The following INPP4B variants were observed in gnomAD, a reference collection of about 807,000 sequenced individuals.
INPP4B encodes inositol polyphosphate-4-phosphatase type II B, also known as inositol polyphosphate 4-phosphatase type II.
In INPP4B, 55 loss-of-function variants were observed where a neutral mutation model predicts 122.5. The ratio of observed to expected loss-of-function variants is 0.45; its 90% CI spans 0.36 to 0.56. The LOEUF is 0.56. INPP4B is among the 20% of genes least tolerant of loss of function. The pLI is 0.00. For missense variants in INPP4B, 1,000 were observed against 1,097.7 expected (o/e 0.91, Z 1.26); for synonymous variants, 403 against 388.7 (o/e 1.04, Z -0.43).
At chr4:142,806,809 AAG>A (rs1251600891) in intron 1 of INPP4B, among the ~76,000 whole-genome samples, 4 of 148,726 alleles carry the variant, frequency 2.7e-5, no homozygotes, top group Non-Finnish European at 6.0e-5. Flanking sequence ...GAAAGAAAGA[AAG>A]AAAGAAAGAA....
In INPP4B at chr4:142,547,764, C is replaced by A. The variant is rs531567215; in HGVS notation, c.-190-85038G>T. On this transcript the variant is annotated intron_variant, in intron 2 of 25. Transcript: ENST00000262992. Reference sequence around the variant, plus strand: ...AATTTACATTGAAAAAATGACTCCTCACTTTTTATTGTATTCTATTTTCTT... The same window carrying A: ...AATTTACATTGAAAAAATGACTCCTAACTTTTTATTGTATTCTATTTTCTT... 7.2e-5 allele frequency among the ~76,000 whole-genome samples: 11 copies of A among 152,244 alleles called. No homozygotes were observed. In the East Asian group the frequency reaches 2.1e-3, roughly 29 times the overall value.
chr4:142,737,676 A>G (rs1028234020), intron 1 of INPP4B, among the ~76,000 whole-genome samples: 1 of 152,230 alleles, frequency 6.6e-6, no homozygotes, highest in African/African-American at 2.4e-5. Flanking sequence ...TGAACAGGCA[A>G]CCTACAGAAT....
intron 17 of INPP4B, among the ~76,000 whole-genome samples, chr4:142,152,143 G>T (rs1326530870): frequency 1.5e-5 from 2 of 130,534 alleles, no homozygotes; most frequent in African/African-American, 2.9e-5. Flanking sequence ...CCACAATCTC[G>T]GCTCACTGCA....
chr4:142,679,816 C>G (rs907295526), intron 2 of INPP4B, among the ~76,000 whole-genome samples: 10 of 151,630 alleles, frequency 6.6e-5, no homozygotes, highest in Non-Finnish European at 1.3e-4. Flanking sequence ...CCATCATTTA[C>G]CAAGAGAGAA....
chr4:142,101,954 T>G (rs891891573), intron 23 of INPP4B, among the ~76,000 whole-genome samples: 3 of 152,094 alleles, frequency 2.0e-5, no homozygotes, highest in Non-Finnish European at 4.4e-5. Flanking sequence ...GCTCCATTAT[T>G]TGACCTAATA....
At chr4:142,091,879 T>C (rs1779711345) in intron 23 of INPP4B, among the ~76,000 whole-genome samples, 1 of 152,168 alleles carries the variant, frequency 6.6e-6, no homozygotes, top group Non-Finnish European at 1.5e-5. Context: ...GGCCAGAAAC[T>C]GTTCCAAGAT....
At chr4:142,072,782 C>T (rs2152492161) in intron 25 of INPP4B, among the ~76,000 whole-genome samples, 1 of 151,990 alleles carries the variant, frequency 6.6e-6, no homozygotes, top group East Asian at 1.9e-4. Context: ...TCATGACAAC[C>T]CTATTAGATG....
intron 1 of INPP4B, among the ~76,000 whole-genome samples, chr4:142,730,643 G>A (rs1765949304): frequency 6.6e-6 from 1 of 152,164 alleles, no homozygotes; most frequent in Non-Finnish European, 1.5e-5. Context: ...CTTCTACCTT[G>A]TGCAGCAATT....
chr4:142,526,842 A>G (rs113561940), intron 2 of INPP4B, among the ~76,000 whole-genome samples: 9,548 of 108,538 alleles, frequency 0.088, 358 homozygotes, highest in African/African-American at 0.11. Context: ...GCAGGCCAAT[A>G]AAACCTATTT....
At chr4:142,547,176 G>A (rs1490276302) in intron 2 of INPP4B, among the ~76,000 whole-genome samples, 1 of 150,786 alleles carries the variant, frequency 6.6e-6, no homozygotes, top group Non-Finnish European at 1.5e-5. Flanking sequence ...TGGTAAATAA[G>A]GTTGCAAAAA....
intron 23 of INPP4B, among the ~76,000 whole-genome samples, chr4:142,087,535 C>T (rs1777448442): frequency 6.6e-6 from 1 of 152,260 alleles, no homozygotes; most frequent in South Asian, 2.1e-4. Flanking sequence ...ATACACTCTA[C>T]TGTTGAATCC....
intron 22 of INPP4B, among the ~76,000 whole-genome samples, chr4:142,111,009 T>C (rs865968104): frequency 3.3e-5 from 5 of 152,258 alleles, no homozygotes; most frequent in Middle Eastern, 3.4e-3. Flanking sequence ...CTCCAAGTTG[T>C]ATAGTTCATG....
chr4:142,245,586 T>C (rs540703361), intron 11 of INPP4B, among the ~76,000 whole-genome samples: 1 of 152,176 alleles, frequency 6.6e-6, no homozygotes, highest in African/African-American at 2.4e-5. Flanking sequence ...TGTATCAGGA[T>C]GATGCTGGCC....
chr4:142,803,951 T>C (rs374303404), intron 1 of INPP4B, among the ~76,000 whole-genome samples: 12 of 151,746 alleles, frequency 7.9e-5, no homozygotes, highest in African/African-American at 2.7e-4. Context: ...CCTAGCTACT[T>C]AGGAGGCTGA....
At chr4:142,441,156 T>C (rs544778903) in intron 3 of INPP4B, among the ~76,000 whole-genome samples, 2 of 152,216 alleles carry the variant, frequency 1.3e-5, no homozygotes, top group East Asian at 3.9e-4. Context: ...TTTTAGAAAA[T>C]CCACTACAGT....
chr4:142,660,487 TTTAA>T (rs1754974885), intron 2 of INPP4B, among the ~76,000 whole-genome samples: 1 of 152,052 alleles, frequency 6.6e-6, no homozygotes, highest in Non-Finnish European at 1.5e-5. Context: ...TTCACTGATA[TTTAA>T]TTGTGTCTCT....
chr4:142,828,158 G>A (rs1013122950), intron 1 of INPP4B, among the ~76,000 whole-genome samples: 1 of 151,950 alleles, frequency 6.6e-6, no homozygotes, highest in Non-Finnish European at 1.5e-5. Flanking sequence ...TCTCTCTGTG[G>A]CAAATTAAAA....
At chr4:142,695,487 T>C (rs1460960216) in intron 2 of INPP4B, among the ~76,000 whole-genome samples, 1 of 152,226 alleles carries the variant, frequency 6.6e-6, no homozygotes, top group Non-Finnish European at 1.5e-5. Context: ...TAGTTCTTAC[T>C]GTGCTTTTCA....
intron 2 of INPP4B, among the ~76,000 whole-genome samples, chr4:142,719,868 A>C (rs1461732429): frequency 6.6e-6 from 1 of 152,202 alleles, no homozygotes; most frequent in African/African-American, 2.4e-5. Flanking sequence ...TTAAAGATAG[A>C]ATTTACTAAG....
Sources: gnomAD v4.1 joint callset for allele counts (sites outside exome capture counted in the v4.1 genomes callset) on GRCh38, gnomAD v4.1.1 for gene constraint, MANE v1.5 for transcripts, NCBI Gene and HGNC (gene_info 2026-07-23, HGNC 2026-07-21) for gene names.